Variants in NLGN1 observed in about 807,000 individuals in gnomAD.
The protein encoded by NLGN1 is neuroligin-1.
In NLGN1, 12 loss-of-function variants were observed where a neutral mutation model predicts 65.5. That is an observed-to-expected ratio of 0.18 (90% CI 0.12 to 0.30). The LOEUF is 0.30. Ranked by LOEUF, NLGN1 falls within the 10% of genes least tolerant of loss-of-function variation. NLGN1 has a pLI of 1.00. For synonymous variants in NLGN1, 350 were observed against 359.5 expected (o/e 0.97, Z 0.30); for missense variants, 750 against 1,007.1 (o/e 0.74, Z 3.46).
At chr3:174,127,583 T>C (rs970837512) in intron 4 of NLGN1, among the ~76,000 whole-genome samples, 1 of 152,114 alleles carries the variant, frequency 6.6e-6, no homozygotes, top group African/African-American at 2.4e-5. Flanking sequence ...TACCTTCACC[T>C]GAAATGTCAC....
intron 2 of NLGN1, among the ~76,000 whole-genome samples, chr3:173,498,905 GT>G (rs965309205): frequency 6.6e-6 from 1 of 151,458 alleles, no homozygotes. Flanking sequence ...GGGGTTGTTT[GT>G]TTTTTTCTTG....
chr3:174,287,641 G>A (rs1435703157), downstream of NLGN1, among the ~76,000 whole-genome samples: 1 of 151,472 alleles, frequency 6.6e-6, no homozygotes. Flanking sequence ...TTGAAGTACT[G>A]TCTCAATTTT....
At chr3:173,489,248 C>T (rs1728694094) in intron 2 of NLGN1, among the ~76,000 whole-genome samples, 1 of 151,734 alleles carries the variant, frequency 6.6e-6, no homozygotes, top group African/African-American at 2.4e-5. Context: ...CCCCACCCCA[C>T]AACAGGCCCC....
intron 4 of NLGN1, among the ~76,000 whole-genome samples, chr3:174,006,131 G>T (rs1246597052): frequency 6.6e-6 from 1 of 151,822 alleles, no homozygotes; most frequent in Non-Finnish European, 1.5e-5. Context: ...CAATCTCTCT[G>T]CCCCATAAAT....
At chr3:173,672,139 A>C (rs777085866) in intron 3 of NLGN1, among the ~76,000 whole-genome samples, 1 of 152,188 alleles carries the variant, frequency 6.6e-6, no homozygotes, top group South Asian at 2.1e-4. Flanking sequence ...GCGCCACTGC[A>C]CTCCAGCCTG....
intron 4 of NLGN1, among the ~76,000 whole-genome samples, chr3:173,993,346 C>T (rs1210039163): frequency 6.6e-6 from 1 of 152,168 alleles, no homozygotes; most frequent in South Asian, 2.1e-4. Flanking sequence ...AAAAGACATG[C>T]CATGTGTGCA....
chr3:173,801,720 T>C (rs186459556), intron 3 of NLGN1, among the ~76,000 whole-genome samples: 76 of 152,148 alleles, frequency 5.0e-4, no homozygotes, highest in African/African-American at 1.8e-3. Flanking sequence ...ACACCAGCAG[T>C]GGATTAAAGA....
At position 173,461,194 on chromosome 3, in the gene NLGN1, A is replaced by T. The variant is rs79398790; in HGVS notation, c.-321+26116A>T. On this transcript the variant is annotated intron_variant, in intron 2 of 6. Transcript: ENST00000457714. Reference sequence around the variant, plus strand: ...AGACTGAACTGTCCATGCATGGCCGAAATCCTTGATTCTGAATCAAAAGGG... The same window carrying T: ...AGACTGAACTGTCCATGCATGGCCGTAATCCTTGATTCTGAATCAAAAGGG... 3.2e-3 allele frequency among the ~76,000 whole-genome samples: 481 copies of T among 152,262 alleles called. 2 individuals carry two copies. Among genetic ancestry groups the T allele is most frequent in the African/African-American group, 0.01 (423 of 41,566 alleles).
intron 3 of NLGN1, among the ~76,000 whole-genome samples, chr3:173,683,642 ATTAT>A: frequency 6.6e-6 from 1 of 152,292 alleles, no homozygotes; most frequent in Admixed American, 6.5e-5. Flanking sequence ...CTGTGAGAAA[ATTAT>A]TTATTCTTAC....
intron 3 of NLGN1, among the ~76,000 whole-genome samples, chr3:173,637,130 T>C (rs1756719592): frequency 6.6e-6 from 1 of 152,130 alleles, no homozygotes; most frequent in Non-Finnish European, 1.5e-5. Flanking sequence ...ACATTCTTTA[T>C]TCCCAAACAA....
chr3:174,263,728 G>A (rs566636934), intron 4 of NLGN1, among the ~76,000 whole-genome samples: 2 of 151,912 alleles, frequency 1.3e-5, no homozygotes, highest in South Asian at 4.2e-4. Flanking sequence ...CTGTCATTAT[G>A]ATGTTAGCTG....
chr3:173,534,856 C>A (rs981869587), intron 2 of NLGN1, among the ~76,000 whole-genome samples: 1 of 152,138 alleles, frequency 6.6e-6, no homozygotes. Context: ...GAGCTCCCCA[C>A]CCCCTGCAAC....
intron 3 of NLGN1, among the ~76,000 whole-genome samples, chr3:173,798,996 A>G (rs1186774012): frequency 6.6e-6 from 1 of 151,994 alleles, no homozygotes; most frequent in Admixed American, 6.6e-5. Context: ...ATCTCGGAAA[A>G]GACTTAGAAA....
intron 3 of NLGN1, among the ~76,000 whole-genome samples, chr3:173,606,595 A>ATGTCTAAAC (rs1448303574): frequency 6.6e-6 from 1 of 152,034 alleles, no homozygotes; most frequent in Non-Finnish European, 1.5e-5. Context: ...GGGGCAGGGA[A>ATGTCTAAAC]TGTCTAAACT....
At chr3:173,646,308 G>GTAGGACTAA (rs1313727812) in intron 3 of NLGN1, among the ~76,000 whole-genome samples, 1 of 152,144 alleles carries the variant, frequency 6.6e-6, no homozygotes, top group African/African-American at 2.4e-5. Flanking sequence ...CCAGTAGAAA[G>GTAGGACTAA]TAGGACTAAT....
At chr3:174,118,190 A>AT (rs1237347106) in intron 4 of NLGN1, among the ~76,000 whole-genome samples, 3 of 152,136 alleles carry the variant, frequency 2.0e-5, no homozygotes, top group Non-Finnish European at 4.4e-5. Context: ...GGCAGCAAGC[A>AT]TTTTCTCTAA....
chr3:174,122,407 G>A (rs915574152), intron 4 of NLGN1, among the ~76,000 whole-genome samples: 9 of 152,152 alleles, frequency 5.9e-5, no homozygotes, highest in African/African-American at 1.9e-4. Context: ...CAAAGGAACT[G>A]TAACATTGCT....
chr3:174,278,841 C>T lies in NLGN1; in HGVS notation c.860-20C>T. The T allele has an allele frequency of 6.8e-7, 1 of 1,464,928 alleles. No individual in the cohort carries two copies. Among genetic ancestry groups the T allele is most frequent in the Non-Finnish European group, 9.0e-7 (1 of 1,107,558 alleles). The allele number at this position is 1,464,928 out of a possible 1,614,324, so 90.7% of individuals were successfully genotyped here. On this transcript the variant is annotated intron_variant, in intron 5 of 6. Coordinates refer to ENST00000457714, the Ensembl canonical transcript of NLGN1. ...CATTACCCAAAGATCATCTAAAATT[C>T]TTTGTTGATTTTCCCATAGGACTTT...
At chr3:173,889,625 C>A (rs1294105207) in intron 4 of NLGN1, among the ~76,000 whole-genome samples, 1 of 151,912 alleles carries the variant, frequency 6.6e-6, no homozygotes, top group East Asian at 1.9e-4. Context: ...AAAGAAAGTA[C>A]CTATGGAGGT....
Sources: allele counts gnomAD v4.1 joint callset (sites outside exome capture counted in the v4.1 genomes callset), GRCh38; gene constraint gnomAD v4.1.1; transcripts MANE v1.5; gene names NCBI Gene and HGNC (gene_info 2026-07-23, HGNC 2026-07-21).